CRIM1: variants seen among roughly 807,000 people sequenced by gnomAD.
CRIM1 encodes the protein cysteine-rich motor neuron 1 protein.
Under a neutral mutation model 116.4 loss-of-function variants are expected in CRIM1, and 32 were observed. The ratio of observed to expected loss-of-function variants is 0.27; its 90% CI spans 0.21 to 0.37. CRIM1 has a LOEUF of 0.37. CRIM1 is among the 10% of genes least tolerant of loss of function. CRIM1 has a pLI of 1.00. For missense variants in CRIM1, 1,331 were observed against 1,354.8 expected (o/e 0.98, Z 0.28); for synonymous variants, 590 against 509.2 (o/e 1.16, Z -2.13).
At chr2:36,534,797 C>A (rs1462632962) in intron 13 of CRIM1, among the ~76,000 whole-genome samples, 3 of 151,514 alleles carry the variant, frequency 2.0e-5, no homozygotes, top group African/African-American at 7.3e-5. Flanking sequence ...GGCCTTGAGT[C>A]AGAAGAGTTA....
At chr2:36,506,176 C>G (rs1355512473) in intron 8 of CRIM1, among the ~76,000 whole-genome samples, 3 of 83,150 alleles carry the variant, frequency 3.6e-5, no homozygotes, top group Non-Finnish European at 5.5e-5. Context: ...CTCTCTCTCT[C>G]TCTCTCACAC....
chr2:36,481,053 CA>C (rs747613090), intron 7 of CRIM1, among the ~76,000 whole-genome samples: 22 of 152,280 alleles, frequency 1.4e-4, no homozygotes, highest in Non-Finnish European at 2.6e-4. Flanking sequence ...ATTTGGGACA[CA>C]CGGTAAGGAA....
At chr2:36,416,101 A>T (rs1572683010) in intron 2 of CRIM1, among the ~76,000 whole-genome samples, 1 of 152,030 alleles carries the variant, frequency 6.6e-6, no homozygotes, top group Non-Finnish European at 1.5e-5. Context: ...CCAGCTACTC[A>T]GGAGGCTGAG....
At chr2:36,407,966 G>A (rs1219706541) in intron 2 of CRIM1, among the ~76,000 whole-genome samples, 2 of 151,912 alleles carry the variant, frequency 1.3e-5, no homozygotes, top group African/African-American at 4.8e-5. Context: ...GAGCTTTGAA[G>A]CCATCTCTTC....
At chr2:36,534,746 AAAG>A (rs1393371866) in intron 13 of CRIM1, among the ~76,000 whole-genome samples, 2 of 151,724 alleles carry the variant, frequency 1.3e-5, no homozygotes, top group East Asian at 1.9e-4. Context: ...GGAAGGAAGG[AAAG>A]AAAAAAAAAA....
At chr2:36,367,402 A>G (rs1669671048) in intron 1 of CRIM1, among the ~76,000 whole-genome samples, 1 of 152,206 alleles carries the variant, frequency 6.6e-6, no homozygotes, top group African/African-American at 2.4e-5. Flanking sequence ...AAAGGAGAAA[A>G]AAACAGCCAT....
chr2:36,391,812 AT>A (rs1375405184), intron 1 of CRIM1, among the ~76,000 whole-genome samples: 18 of 148,856 alleles, frequency 1.2e-4, no homozygotes, highest in Admixed American at 2.7e-4. Context: ...AAAAAAAAAA[AT>A]GGTACATAAA....
At chr2:36,364,348 G>A (rs1669448657) in intron 1 of CRIM1, among the ~76,000 whole-genome samples, 1 of 152,138 alleles carries the variant, frequency 6.6e-6, no homozygotes, top group South Asian at 2.1e-4. Context: ...TGCTATTATA[G>A]TCATTATTTT....
At chr2:36,516,689 G>A (rs1469205912) in intron 11 of CRIM1, among the ~76,000 whole-genome samples, 1 of 152,134 alleles carries the variant, frequency 6.6e-6, no homozygotes, top group African/African-American at 2.4e-5. Flanking sequence ...CTTAGATTGG[G>A]GTGTGGCCTG....
At chr2:36,534,295 GAA>G (rs572018325) in intron 13 of CRIM1, among the ~76,000 whole-genome samples, 27 of 125,280 alleles carry the variant, frequency 2.2e-4, no homozygotes, top group African/African-American at 8.2e-4. Flanking sequence ...GGAGGGATGA[GAA>G]AGGAAGGAGG....
At chr2:36,515,332 G>A (rs932244291) in intron 11 of CRIM1, among the ~76,000 whole-genome samples, 5 of 152,318 alleles carry the variant, frequency 3.3e-5, no homozygotes, top group South Asian at 4.1e-4. Flanking sequence ...AAGTTCTTAC[G>A]TAAGCACACG....
intron 14 of CRIM1, 152 bp downstream of exon 14, chr2:36,537,698 G>A (rs1489342921): frequency 4.7e-6 from 4 of 855,792 alleles, no homozygotes; most frequent in Non-Finnish European, 5.2e-6. Flanking sequence ...AGACCCTATG[G>A]GTAACTTGGA....
intron 7 of CRIM1, among the ~76,000 whole-genome samples, chr2:36,492,424 A>G (rs1037754231): frequency 2.6e-5 from 4 of 152,182 alleles, no homozygotes; most frequent in Admixed American, 6.5e-5. Flanking sequence ...ACACATTCAG[A>G]TGCTACGGAA....
intron 13 of CRIM1, among the ~76,000 whole-genome samples, chr2:36,530,611 C>T (rs1301399712): frequency 6.6e-6 from 1 of 152,168 alleles, no homozygotes; most frequent in Non-Finnish European, 1.5e-5. Context: ...TATAAACTAA[C>T]ATTTTTAGAA....
intron 2 of CRIM1, among the ~76,000 whole-genome samples, chr2:36,404,553 A>T (rs1357412839): frequency 6.6e-6 from 1 of 152,222 alleles, no homozygotes; most frequent in African/African-American, 2.4e-5. Flanking sequence ...TATTCATTCA[A>T]AAAGAATGTA....
At chr2:36,528,349 G>A (rs1369741876) in intron 13 of CRIM1, among the ~76,000 whole-genome samples, 1 of 152,172 alleles carries the variant, frequency 6.6e-6, no homozygotes, top group African/African-American at 2.4e-5. Context: ...ATGTCACTTT[G>A]GTCACTCCAT....
intron 2 of CRIM1, among the ~76,000 whole-genome samples, chr2:36,399,545 G>C (rs1417703844): frequency 6.6e-6 from 1 of 152,192 alleles, no homozygotes. Flanking sequence ...GAATGATAGT[G>C]CAAGTAATAG....
At chr2:36,423,324 A>G (rs1674210595) in intron 2 of CRIM1, among the ~76,000 whole-genome samples, 1 of 152,268 alleles carries the variant, frequency 6.6e-6, no homozygotes, top group South Asian at 2.1e-4. Context: ...TTAGCTATTT[A>G]AAATAATTAC....
intron 1 of CRIM1, among the ~76,000 whole-genome samples, chr2:36,390,622 G>A (rs1043043159): frequency 2.0e-5 from 3 of 152,022 alleles, no homozygotes; most frequent in African/African-American, 7.2e-5. Flanking sequence ...ACAGGGGCAA[G>A]TGTCTCCAGC....
Sources: gnomAD v4.1 joint callset for allele counts (sites outside exome capture counted in the v4.1 genomes callset) on GRCh38, gnomAD v4.1.1 for gene constraint, MANE v1.5 for transcripts, NCBI Gene and HGNC (gene_info 2026-07-23, HGNC 2026-07-21) for gene names.